RAPGEF5: variants seen among roughly 807,000 people sequenced by gnomAD.
RAPGEF5 encodes the protein M-Ras-regulated GEF.
RAPGEF5 carries 65 observed loss-of-function variants against 125.2 expected under a neutral mutation model. The observed-to-expected ratio is 0.52, with a 90% CI of 0.43 to 0.64. RAPGEF5 has a LOEUF of 0.64. Among genes scored for constraint, RAPGEF5 ranks in the 30% least tolerant of loss-of-function variants. The pLI is 0.00. For missense variants in RAPGEF5, 958 were observed against 1,048.1 expected (o/e 0.91, Z 1.19); for synonymous variants, 391 against 385.9 (o/e 1.01, Z -0.16).
intron 20 of RAPGEF5, among the ~76,000 whole-genome samples, chr7:22,140,453 T>C (rs1426209570): frequency 6.6e-6 from 1 of 152,214 alleles, no homozygotes; most frequent in Non-Finnish European, 1.5e-5. Flanking sequence ...ACTCTCCTTT[T>C]AACAGTTCAC....
chr7:22,162,907 T>G (rs1784052486), intron 12 of RAPGEF5: 1 of 462,504 alleles, frequency 2.2e-6, no homozygotes, highest in South Asian at 1.6e-5. Flanking sequence ...GAATACTATT[T>G]CAATACATTT....
intron 15 of RAPGEF5, 143 bp downstream of exon 15, chr7:22,157,712 A>G: frequency 4.7e-6 from 4 of 850,710 alleles, no homozygotes; most frequent in Non-Finnish European, 5.7e-6. Flanking sequence ...AGGAAAGCGC[A>G]GGGAAGCTGC....
chr7:22,200,920 T>C (rs1785263255), intron 9 of RAPGEF5, among the ~76,000 whole-genome samples: 1 of 152,202 alleles, frequency 6.6e-6, no homozygotes, highest in South Asian at 2.1e-4. Context: ...TATGAATATA[T>C]TTCAACATGC....
chr7:22,309,351 T>C (rs1440826599), intron 4 of RAPGEF5, among the ~76,000 whole-genome samples: 1 of 152,166 alleles, frequency 6.6e-6, no homozygotes, highest in Non-Finnish European at 1.5e-5. Context: ...ATTTATTACC[T>C]ATAGGAAAAA....
At chr7:22,220,713 T>C (rs1473243004) in intron 8 of RAPGEF5, among the ~76,000 whole-genome samples, 1 of 123,182 alleles carries the variant, frequency 8.1e-6, no homozygotes, top group Non-Finnish European at 1.8e-5. Context: ...GACTTTGAAA[T>C]AGGAAAAAAA....
At chr7:22,156,982 A>C in intron 15 of RAPGEF5, 94 bp from the exon 16 acceptor site, 1 of 1,525,100 alleles carries the variant, frequency 6.6e-7, no homozygotes, top group Non-Finnish European at 8.8e-7. Context: ...GAACTAGCCA[A>C]ATTTTTTTTT....
chr7:22,158,256 A>G (rs895365451), intron 14 of RAPGEF5, among the ~76,000 whole-genome samples: 8 of 152,216 alleles, frequency 5.3e-5, no homozygotes, highest in Admixed American at 3.3e-4. Flanking sequence ...AGTGATAGTG[A>G]CAGATTTTAG....
Position 22,150,371 on chromosome 7 carries a change from C to A in RAPGEF5, c.1884+36G>T, listed in dbSNP as rs747001415. ...TACAGGTATGAGCCACCTCGCCTGG[C>A]CTGTTTGTTTCAAATACAAGGCTGA... On this transcript the variant is annotated intron_variant, in intron 18 of 25. Coordinates refer to ENST00000665637, the MANE Select transcript of RAPGEF5 (RefSeq NM_012294.5). The A allele has an allele frequency of 1.2e-5, 19 of 1,588,822 alleles. No homozygotes were observed. The Admixed American group carries it at 2.5e-4, about 21-fold the overall frequency.
At chr7:22,213,798 G>A (rs1041180184) in intron 9 of RAPGEF5, among the ~76,000 whole-genome samples, 1 of 152,128 alleles carries the variant, frequency 6.6e-6, no homozygotes, top group African/African-American at 2.4e-5. Flanking sequence ...CTTCTCTTTA[G>A]TAAGTAGTTT....
chr7:22,214,397 G>A (rs1785581604), intron 9 of RAPGEF5, among the ~76,000 whole-genome samples: 1 of 152,158 alleles, frequency 6.6e-6, no homozygotes, highest in Non-Finnish European at 1.5e-5. Context: ...ACATTTTACA[G>A]ATACTGCTCA....
intron 8 of RAPGEF5, 59 bp from the exon 9 acceptor site, chr7:22,220,050 C>A: frequency 6.3e-7 from 1 of 1,580,602 alleles, no homozygotes. Flanking sequence ...GGACATGACA[C>A]CACCGCAAAG....
intron 4 of RAPGEF5, among the ~76,000 whole-genome samples, chr7:22,308,775 A>G (rs1425054655): frequency 2.6e-5 from 4 of 152,226 alleles, no homozygotes; most frequent in Non-Finnish European, 5.9e-5. Context: ...GATAAAATCA[A>G]TAACAATTCA....
chr7:22,157,498 A>C (rs1241032120), intron 15 of RAPGEF5, among the ~76,000 whole-genome samples: 1 of 152,224 alleles, frequency 6.6e-6, no homozygotes, highest in African/African-American at 2.4e-5. Context: ...TTTCTTTACA[A>C]GACTTCTTTC....
chr7:22,150,078 T>C (rs946444006), intron 18 of RAPGEF5, among the ~76,000 whole-genome samples: 6 of 87,756 alleles, frequency 6.8e-5, no homozygotes, highest in African/African-American at 3.3e-4. Flanking sequence ...GTGTTCCTTT[T>C]TTTTTTTTTT....
At chr7:22,123,421 T>C (rs4722100) in intron 25 of RAPGEF5, among the ~76,000 whole-genome samples, 97,931 of 152,046 alleles carry the variant, frequency 0.64, 31,986 homozygotes, top group East Asian at 0.93. Flanking sequence ...AGGTGAGTGG[T>C]GAAGACATCA....
intron 5 of RAPGEF5, among the ~76,000 whole-genome samples, chr7:22,294,108 G>A (rs1254147049): frequency 6.6e-6 from 1 of 151,152 alleles, no homozygotes; most frequent in African/African-American, 2.4e-5. Flanking sequence ...GGGCTGTGCT[G>A]CTCGTGAATG....
intron 5 of RAPGEF5, among the ~76,000 whole-genome samples, chr7:22,305,187 T>C (rs965506526): frequency 6.6e-6 from 1 of 152,208 alleles, no homozygotes; most frequent in Non-Finnish European, 1.5e-5. Context: ...ATTTCCCCTC[T>C]TATTTAATAG....
At chr7:22,130,708 C>T (rs1782888437) in intron 24 of RAPGEF5, among the ~76,000 whole-genome samples, 1 of 152,162 alleles carries the variant, frequency 6.6e-6, no homozygotes, top group African/African-American at 2.4e-5. Flanking sequence ...GTGGATTCCT[C>T]CTGACAGCAG....
At chr7:22,181,996 T>C (rs1784688835) in intron 11 of RAPGEF5, among the ~76,000 whole-genome samples, 1 of 152,156 alleles carries the variant, frequency 6.6e-6, no homozygotes, top group South Asian at 2.1e-4. Flanking sequence ...GAAGCAATAA[T>C]TGATTGAAAC....
Sources: allele counts gnomAD v4.1 joint callset (sites outside exome capture counted in the v4.1 genomes callset), GRCh38; gene constraint gnomAD v4.1.1; transcripts MANE v1.5; gene names NCBI Gene and HGNC (gene_info 2026-07-23, HGNC 2026-07-21).